STX18: variants seen among roughly 807,000 people sequenced by gnomAD.
STX18 encodes the protein syntaxin-18.
Under a neutral mutation model 50.1 loss-of-function variants are expected in STX18, and 40 were observed. The observed-to-expected ratio is 0.80, with a 90% CI of 0.62 to 1.04. The LOEUF is 1.04. STX18 is among the 50% of genes least tolerant of loss of function. STX18 has a pLI of 0.00. For missense variants in STX18, 410 were observed against 415.8 expected (o/e 0.99, Z 0.12); for synonymous variants, 158 against 151.8 (o/e 1.04, Z -0.30).
chr4:4,492,904 G>C (rs1296413647), intron 1 of STX18, among the ~76,000 whole-genome samples: 2 of 152,030 alleles, frequency 1.3e-5, no homozygotes, highest in Non-Finnish European at 2.9e-5. Flanking sequence ...TTCAGATTCT[G>C]GGCAAATCTG....
chr4:4,444,160 G>T (rs902143419), intron 5 of STX18, among the ~76,000 whole-genome samples: 1 of 152,216 alleles, frequency 6.6e-6, no homozygotes, highest in Non-Finnish European at 1.5e-5. Context: ...TGGCGGGAGG[G>T]TGGCTAAGTG....
rs983213809 is a variant in STX18 at position 4,491,793 on chromosome 4, T to C, written c.169-20087A>G. On this transcript the variant is annotated intron_variant, in intron 1 of 10. Transcript: ENST00000306200. Reference sequence around the variant, plus strand: ...GCCACAGTGTAATATACGTTAAAGGTAATGAAACTAAAAAGTAAGATTTCC... The same window carrying C: ...GCCACAGTGTAATATACGTTAAAGGCAATGAAACTAAAAAGTAAGATTTCC... 3.3e-5 allele frequency among the ~76,000 whole-genome samples: 5 copies of C among 152,134 alleles called. No individual in the cohort carries two copies. In the East Asian group the frequency reaches 9.6e-4, roughly 29 times the overall value.
At chr4:4,470,036 C>CACGT (rs1727833891) in intron 2 of STX18, among the ~76,000 whole-genome samples, 1 of 152,190 alleles carries the variant, frequency 6.6e-6, no homozygotes, top group Admixed American at 6.5e-5. Context: ...ATGTACTATA[C>CACGT]ACGTAGTGCT....
intron 6 of STX18, among the ~76,000 whole-genome samples, 197 bp from the exon 7 acceptor site, chr4:4,435,055 G>A (rs1234878657): frequency 1.3e-5 from 2 of 152,128 alleles, no homozygotes; most frequent in Non-Finnish European, 2.9e-5. Flanking sequence ...TTGTCTTTGT[G>A]CAGGCACGTG....
intron 1 of STX18, among the ~76,000 whole-genome samples, chr4:4,512,398 G>A (rs1432292773): frequency 2.0e-5 from 3 of 152,016 alleles, no homozygotes; most frequent in Non-Finnish European, 4.4e-5. Context: ...TGCTACCCCT[G>A]GTCCATGACC....
intron 1 of STX18, among the ~76,000 whole-genome samples, chr4:4,473,695 C>T (rs1728037661): frequency 6.6e-6 from 1 of 152,182 alleles, no homozygotes; most frequent in South Asian, 2.1e-4. Flanking sequence ...TCCTCTGTTT[C>T]AAAACCTTCA....
chr4:4,516,054 T>C (rs964599555), intron 1 of STX18, among the ~76,000 whole-genome samples: 20 of 151,766 alleles, frequency 1.3e-4, no homozygotes, highest in African/African-American at 4.6e-4. Flanking sequence ...AAATTAGATA[T>C]AAATTCAACT....
chr4:4,471,635 T>A lies in STX18; in HGVS notation c.236+4A>T, dbSNP rs1206971536. ...AAAGTCCTGGTAAAAAAATATGTAC[T>A]TACCTATAAGCATTAATATAATCTT... On this transcript the variant is annotated splice_donor_region_variant and intron_variant, in intron 2 of 10. Transcript: ENST00000306200. The A allele has an allele frequency of 1.3e-6, 2 of 1,551,898 alleles. No homozygotes were observed. The highest frequency in any genetic ancestry group is 1.7e-6 in the Non-Finnish European group (2 of 1,155,078).
intron 5 of STX18, among the ~76,000 whole-genome samples, chr4:4,453,995 T>C (rs754361918): frequency 6.6e-6 from 1 of 152,218 alleles, no homozygotes; most frequent in African/African-American, 2.4e-5. Flanking sequence ...TCTAGAAACA[T>C]AGCATAAATG....
chr4:4,488,179 A>G (rs1415048638), intron 1 of STX18, among the ~76,000 whole-genome samples: 4 of 152,220 alleles, frequency 2.6e-5, no homozygotes, highest in African/African-American at 9.7e-5. Flanking sequence ...TGAACAGATT[A>G]GCAGCATAGT....
At position 4,419,965 on chromosome 4, in the gene STX18, G is replaced by A. The variant is rs926509094; in HGVS notation, c.*69C>T. The A allele has an allele frequency of 7.7e-7, 1 of 1,305,176 alleles. No homozygotes were observed. The highest frequency in any genetic ancestry group is 1.3e-5 in the South Asian group (1 of 78,930). The allele number at this position is 1,305,176 out of a possible 1,614,324, so 80.8% of individuals were successfully genotyped here. A position where few individuals can be genotyped will look rare whatever the true frequency, so the allele number is the denominator to read the frequency against. On this transcript the variant is annotated 3_prime_UTR_variant, in exon 11 of 11. Coordinates refer to ENST00000306200, the MANE Select transcript of STX18 (RefSeq NM_016930.4). Reference sequence around the variant, plus strand: ...CTGGTCATACCATGCTCCAGCACTGGAAGTACATGAAAGCACGCAGTCTGT... The same window carrying A: ...CTGGTCATACCATGCTCCAGCACTGAAAGTACATGAAAGCACGCAGTCTGT...
At chr4:4,493,054 T>C (rs1450270303) in intron 1 of STX18, among the ~76,000 whole-genome samples, 1 of 152,194 alleles carries the variant, frequency 6.6e-6, no homozygotes, top group Admixed American at 6.5e-5. Context: ...AAAAAAGATA[T>C]TGCTGATCAT....
intron 1 of STX18, among the ~76,000 whole-genome samples, chr4:4,541,356 TAC>T (rs1474187362): frequency 6.6e-6 from 1 of 152,116 alleles, no homozygotes; most frequent in Admixed American, 6.5e-5. Context: ...TTCGGCTGAA[TAC>T]AGTTTTTAAT....
At chr4:4,492,466 T>G (rs1455686580) in intron 1 of STX18, among the ~76,000 whole-genome samples, 1 of 152,054 alleles carries the variant, frequency 6.6e-6, no homozygotes, top group Non-Finnish European at 1.5e-5. Context: ...ATTCAAACAG[T>G]GTTTGTAGAT....
At chr4:4,482,203 T>G (rs1577361971) in intron 1 of STX18, among the ~76,000 whole-genome samples, 2 of 152,242 alleles carry the variant, frequency 1.3e-5, no homozygotes, top group African/African-American at 4.8e-5. Flanking sequence ...CTTGGCTCTT[T>G]CTTTACATGT....
intron 1 of STX18, among the ~76,000 whole-genome samples, chr4:4,536,298 A>G (rs1731326218): frequency 6.6e-6 from 1 of 152,244 alleles, no homozygotes; most frequent in African/African-American, 2.4e-5. Flanking sequence ...AGTATTTATT[A>G]AGCACCTGCA....
intron 7 of STX18, among the ~76,000 whole-genome samples, chr4:4,426,899 G>T (rs1368142292): frequency 4.6e-5 from 7 of 152,166 alleles, no homozygotes; most frequent in African/African-American, 7.2e-5. Context: ...TCTCAGCTCT[G>T]CTCTGACAGG....
chr4:4,470,180 T>A (rs1392171849), intron 2 of STX18, among the ~76,000 whole-genome samples: 2 of 152,050 alleles, frequency 1.3e-5, no homozygotes, highest in Non-Finnish European at 2.9e-5. Context: ...AAGTGAGGGG[T>A]CAGGCTGCAG....
chr4:4,422,573 AAAAAAAAAAAGAAAAAG>A (rs1188856183), intron 9 of STX18, among the ~76,000 whole-genome samples: 2 of 151,194 alleles, frequency 1.3e-5, no homozygotes, highest in African/African-American at 4.9e-5. Flanking sequence ...TGTCTCCAAA[AAAAAAAAAAAGAAAAAG>A]AAAAAAAAAG....
Sources: allele counts gnomAD v4.1 joint callset (sites outside exome capture counted in the v4.1 genomes callset), GRCh38; gene constraint gnomAD v4.1.1; transcripts MANE v1.5; gene names NCBI Gene and HGNC (gene_info 2026-07-23, HGNC 2026-07-21).